CEP295: variants seen among roughly 807,000 people sequenced by gnomAD.
CEP295 encodes centrosomal protein 295, also known as centrosomal protein of 295 kDa.
Under a neutral mutation model 291.6 loss-of-function variants are expected in CEP295, and 190 were observed. The observed-to-expected ratio is 0.65, with a 90% CI of 0.58 to 0.73. The LOEUF (loss-of-function observed/expected upper bound fraction) is 0.73. Ranked by LOEUF, CEP295 falls within the 30% of genes least tolerant of loss-of-function variation. The pLI is 0.00. For missense variants in CEP295, 2,863 were observed against 2,949.4 expected (o/e 0.97, Z 0.68); for synonymous variants, 993 against 1,038.8 (o/e 0.96, Z 0.85).
chr11:93,692,069 C>T, intron 12 of CEP295, 39 bp downstream of exon 12: 1 of 1,112,448 alleles, frequency 9.0e-7, no homozygotes, highest in Non-Finnish European at 1.3e-6. Flanking sequence ...TATTTTTCCC[C>T]TAGGTACTAT....
chr11:93,700,428 T>C (rs75804560), intron 15 of CEP295, among the ~76,000 whole-genome samples: 4 of 143,736 alleles, frequency 2.8e-5, no homozygotes, highest in South Asian at 4.3e-4. Context: ...TGTTTTTGCT[T>C]TTTTTTTTTT....
intron 7 of CEP295, among the ~76,000 whole-genome samples, chr11:93,681,860 G>GT (rs59389595): frequency 0.64 from 77,861 of 121,254 alleles, 20,759 homozygotes; most frequent in East Asian, 0.78. Flanking sequence ...TTTTGTTTTT[G>GT]TTTTTTTTTT....
chr11:93,690,252 A>C (rs1951454598), intron 10 of CEP295, among the ~76,000 whole-genome samples: 1 of 152,076 alleles, frequency 6.6e-6, no homozygotes, highest in African/African-American at 2.4e-5. Context: ...TCCACTAAAA[A>C]TACAAAAGAT....
intron 5 of CEP295, among the ~76,000 whole-genome samples, chr11:93,672,858 C>G (rs1481897292): frequency 6.6e-6 from 1 of 152,186 alleles, no homozygotes; most frequent in East Asian, 1.9e-4. Context: ...TCATAGTAAT[C>G]AAAATCTCAA....
intron 5 of CEP295, 146 bp downstream of exon 5, chr11:93,669,916 G>T: frequency 5.4e-6 from 3 of 553,566 alleles, no homozygotes; most frequent in East Asian, 2.9e-5. Flanking sequence ...TCTGGAGTAT[G>T]TTAAAATAAT....
intron 18 of CEP295, among the ~76,000 whole-genome samples, chr11:93,711,739 A>G (rs1447316474): frequency 1.3e-5 from 2 of 151,882 alleles, no homozygotes; most frequent in Non-Finnish European, 2.9e-5. Flanking sequence ...CTGACCGCCC[A>G]GGAACAAGTG....
At chr11:93,679,601 G>C (rs1443047767) in intron 7 of CEP295, 49 bp downstream of exon 7, 1 of 1,479,512 alleles carries the variant, frequency 6.8e-7, no homozygotes, top group Non-Finnish European at 9.1e-7. Flanking sequence ...CTTACTAATA[G>C]CATTGCAGGA....
chr11:93,727,300 GA>G lies in CEP295; in HGVS notation c.6827del (p.Lys2276ArgfsTer35), dbSNP rs1387177874. ...TCAACAAAACACCAACTAGAAAGCA[GA>G]AAGGAAAGTATGGGCTTTGAAGAAC... Reference protein sequence around the residue: ...ECSTKHQLESRKESMGFEELS... With the variant: ...ECSTKHQLESXKESMGFEELS... On this transcript the variant is annotated frameshift_variant, in exon 24 of 30. Transcript: ENST00000325212. LOFTEE classifies it high-confidence loss of function. 1.3e-6 allele frequency: 2 copies of G among 1,551,690 alleles called. No individual in the cohort carries two copies. The highest frequency in any genetic ancestry group is 2.7e-5 in the African/African-American group (2 of 73,176).
chr11:93,727,575 G>T lies in CEP295; in HGVS notation c.7099G>T (p.Gly2367Ter). The T allele has an allele frequency of 2.6e-6, 4 of 1,551,148 alleles. No individual in the cohort carries two copies. Among genetic ancestry groups the T allele is most frequent in the Non-Finnish European group, 3.5e-6 (4 of 1,146,850 alleles). ...PKITKKLSQL[G>*]ESELFASSGS... ...AATCACCAAAAAACTATCTCAACTA[G>T]GAGAATCAGAGCTTTTTGCAAGTTC... The change falls in exon 24 of 30, where the codon GGA becomes TGA. Residue 2367 changes from glycine to a stop codon, truncating the protein, a stop_gained. Transcript: ENST00000325212. LOFTEE classifies it high-confidence loss of function.
chr11:93,699,650 C>G lies in CEP295; in HGVS notation c.4738C>G (p.Arg1580Gly), dbSNP rs370850174. The G allele has an allele frequency of 6.4e-6, 10 of 1,551,438 alleles. No homozygotes were observed. The highest frequency in any genetic ancestry group is 2.0e-5 in the Admixed American group (1 of 50,990). ...TAATGATACTCTTCCCTCAAGTCAT[C>G]GTGAGATTCCAAGATTACAGGATAG... Reference protein sequence around the residue: ...KSNDTLPSSHREIPRLQDRLL... With the variant: ...KSNDTLPSSHGEIPRLQDRLL... Residue 1580 changes from arginine to glycine, a missense_variant, in exon 15 of 30, where the codon CGT becomes GGT. By Grantham distance (125) the Arg-to-Gly change is moderately radical. Around this residue, in one of 3 missense-constraint regions of CEP295, gnomAD observed 2,295 missense variants for 2,335.7 expected, o/e 0.98. Coordinates refer to ENST00000325212, the MANE Select transcript of CEP295 (RefSeq NM_033395.2).
In CEP295 at chr11:93,727,611, TC is replaced by T. The variant is rs1954252075; in HGVS notation, c.7136del (p.Ser2379TyrfsTer17). 6.5e-7 allele frequency: 1 copy of T among 1,549,560 alleles called. No homozygotes were observed. Among genetic ancestry groups the T allele is most frequent in the Non-Finnish European group, 8.7e-7 (1 of 1,146,284 alleles). On this transcript the variant is annotated frameshift_variant, in exon 24 of 30. Coordinates refer to ENST00000325212, the MANE Select transcript of CEP295 (RefSeq NM_033395.2). LOFTEE classifies it high-confidence loss of function. The stretch of plus-strand genomic sequence containing the variant: ...GCTTTTTGCAAGTTCTGGATCATTT[TC>T]ATTACAGAGCTCTATACCAGTCTGG... ...SELFASSGSF[S>X]LQSSIPVWET...
chr11:93,685,206 G>A (rs1951167049), intron 9 of CEP295, among the ~76,000 whole-genome samples: 1 of 152,108 alleles, frequency 6.6e-6, no homozygotes, highest in South Asian at 2.1e-4. Context: ...AGCTATTTTT[G>A]CCCCGTATCT....
In CEP295 at chr11:93,669,033, AG is replaced by A. The variant is rs1351884263; in HGVS notation, c.434+102del. Reference sequence around the variant, plus strand: ...TAAGCAAATATTAAATAAACATAGTAGCATATTCATTGCATTTGTTAAACTT... The same window carrying A: ...TAAGCAAATATTAAATAAACATAGTACATATTCATTGCATTTGTTAAACTT... On this transcript the variant is annotated intron_variant, in intron 4 of 29. Transcript: ENST00000325212. 9.9e-6 allele frequency: 6 copies of A among 605,374 alleles called. No individual in the cohort carries two copies. In the East Asian group the frequency reaches 1.9e-4, roughly 19 times the overall value. 37.5% of individuals were successfully genotyped at this position (605,374 alleles called of 1,614,324 possible).
At chr11:93,711,720 C>T (rs2135232061) in intron 18 of CEP295, among the ~76,000 whole-genome samples, 1 of 152,078 alleles carries the variant, frequency 6.6e-6, no homozygotes, top group Non-Finnish European at 1.5e-5. Context: ...CCAGGCTGGT[C>T]TCAAACTCCT....
Position 93,725,907 on chromosome 11 carries a change from C to T in CEP295, c.6499+76C>T, listed in dbSNP as rs1253538884. Reference sequence around the variant, plus strand: ...CCATTTCCTTAGAAATTAAGCCTAGCACCTCTTGGTTTGTCTTCACCCCTG... The same window carrying T: ...CCATTTCCTTAGAAATTAAGCCTAGTACCTCTTGGTTTGTCTTCACCCCTG... On this transcript the variant is annotated intron_variant, in intron 23 of 29. Transcript: ENST00000325212. 3.1e-6 allele frequency: 4 copies of T among 1,289,240 alleles called. No individual in the cohort carries two copies. The African/African-American group carries it at 6.0e-5, about 19-fold the overall frequency. 79.9% of individuals were successfully genotyped at this position (1,289,240 alleles called of 1,614,324 possible).
At chr11:93,714,452 T>C (rs1407736981) in intron 18 of CEP295, among the ~76,000 whole-genome samples, 5 of 152,176 alleles carry the variant, frequency 3.3e-5, no homozygotes, top group South Asian at 2.1e-4. Flanking sequence ...GGTTTCACCA[T>C]GTTGGCCAGG....
intron 2 of CEP295, among the ~76,000 whole-genome samples, chr11:93,667,222 C>T (rs1001535450): frequency 6.6e-6 from 1 of 152,138 alleles, no homozygotes; most frequent in South Asian, 2.1e-4. Flanking sequence ...TTTCAGGCAC[C>T]ATTCTGTCTA....
chr11:93,702,422 C>T, intron 15 of CEP295, 38 bp from the exon 16 acceptor site: 1 of 1,411,076 alleles, frequency 7.1e-7, no homozygotes, highest in Non-Finnish European at 9.4e-7. Flanking sequence ...CATGATCCCC[C>T]AACTTGTGCT....
Position 93,727,015 on chromosome 11 carries a change from C to A in CEP295, c.6539C>A (p.Ser2180Tyr), listed in dbSNP as rs1389312342. The change falls in exon 24 of 30, where the codon TCT becomes TAT. Residue 2180 changes from serine to tyrosine, a missense_variant. By Grantham distance (144) the Ser-to-Tyr change is moderately radical (BLOSUM62 -2). This residue lies in a region of CEP295 where 2,295 missense variants were observed against 2,335.7 expected (regional missense o/e 0.98). Transcript: ENST00000325212. ...TTTGAACAGCTTCAGCCAGAATATT[C>A]TTCACAGGAGGAGAGCCAGCATGCT... ...QCFEQLQPEY[S>Y]SQEESQHADL... 1 of 1,543,190 alleles carries A rather than the reference C, an allele frequency of 6.5e-7. No individual in the cohort carries two copies. The highest frequency in any genetic ancestry group is 8.7e-7 in the Non-Finnish European group (1 of 1,144,248).
Sources: gnomAD v4.1 joint callset for allele counts (sites outside exome capture counted in the v4.1 genomes callset) on GRCh38, gnomAD v4.1.1 for gene constraint, gnomAD v4.1.1 regional missense constraint, MANE v1.5 for transcripts, NCBI Gene and HGNC (gene_info 2026-07-23, HGNC 2026-07-21) for gene names.